The following ANKRD36 variants were observed in gnomAD, a reference collection of about 807,000 sequenced individuals.
ANKRD36 encodes ankyrin repeat domain 36, also known as ankyrin repeat domain-containing protein 36A.
A neutral mutation model predicts 278.1 loss-of-function variants in ANKRD36; 179 were observed. That is an observed-to-expected ratio of 0.64 (90% CI 0.57 to 0.73). ANKRD36 has a LOEUF of 0.73. ANKRD36 is among the 30% of genes least tolerant of loss of function. The pLI is 0.00. For synonymous variants in ANKRD36, 320 were observed against 641.1 expected (o/e 0.50, Z 7.57); for missense variants, 1,159 against 1,956.7 (o/e 0.59, Z 7.69).
chr2:97,140,290 T>C (rs940937906), intron 6 of ANKRD36, among the ~76,000 whole-genome samples: 3 of 151,754 alleles, frequency 2.0e-5, no homozygotes, highest in African/African-American at 7.3e-5. Context: ...GGCAGTGTCA[T>C]TGGAGTTAAA....
chr2:97,163,446 A>G (rs1288897508), intron 18 of ANKRD36: 1 of 360,096 alleles, frequency 2.8e-6, no homozygotes, highest in Non-Finnish European at 5.4e-6. Context: ...TTGAGAATCC[A>G]GAAGTTGAAA....
At chr2:97,203,408 T>C (rs1171403110) in intron 48 of ANKRD36, among the ~76,000 whole-genome samples, 1 of 151,788 alleles carries the variant, frequency 6.6e-6, no homozygotes, top group Non-Finnish European at 1.5e-5. Flanking sequence ...TATCCCTTCG[T>C]GCCACGACTG....
intron 40 of ANKRD36, among the ~76,000 whole-genome samples, chr2:97,195,478 G>T (rs376578396): frequency 3.1e-3 from 466 of 150,352 alleles, no homozygotes; most frequent in East Asian, 0.029. Context: ...TGGAACATTT[G>T]CATAAACAAT....
chr2:97,199,416 A>C (rs2060680532), intron 44 of ANKRD36, among the ~76,000 whole-genome samples: 1 of 151,880 alleles, frequency 6.6e-6, no homozygotes, highest in Admixed American at 6.6e-5. Context: ...TCAAGGAGCT[A>C]CCTGTTGGAT....
chr2:97,192,522 C>A (rs551984737), intron 36 of ANKRD36, among the ~76,000 whole-genome samples: 7 of 151,628 alleles, frequency 4.6e-5, no homozygotes, highest in South Asian at 2.1e-4. Context: ...CTTTGACATT[C>A]ATTCTCAGGT....
At chr2:97,132,506 G>A (rs1235778907) in intron 6 of ANKRD36, among the ~76,000 whole-genome samples, 2 of 149,300 alleles carry the variant, frequency 1.3e-5, no homozygotes, top group Non-Finnish European at 3.0e-5. Context: ...TTATTCATGC[G>A]GAAATACAGG....
At chr2:97,210,109 A>G (rs2064003433) in intron 56 of ANKRD36, among the ~76,000 whole-genome samples, 1 of 151,860 alleles carries the variant, frequency 6.6e-6, no homozygotes, top group African/African-American at 2.4e-5. Context: ...TACGGAGAGC[A>G]GCTCAAGACA....
chr2:97,170,174 G>T, intron 22 of ANKRD36, among the ~76,000 whole-genome samples: 1 of 151,796 alleles, frequency 6.6e-6, no homozygotes, highest in East Asian at 1.9e-4. Context: ...AATCAGTGGG[G>T]AAAAGATTAC....
chr2:97,148,994 T>C (rs1449859534), intron 11 of ANKRD36, among the ~76,000 whole-genome samples: 1 of 152,064 alleles, frequency 6.6e-6, no homozygotes, highest in Non-Finnish European at 1.5e-5. Context: ...GGACAAATTA[T>C]TGTCTGGCTG....
intron 67 of ANKRD36, among the ~76,000 whole-genome samples, chr2:97,229,568 T>G (rs1353119680): frequency 2.6e-5 from 4 of 152,100 alleles, no homozygotes; most frequent in Non-Finnish European, 5.9e-5. Context: ...TACAGCACAC[T>G]GATGGATCTT....
rs781234047 is a variant in ANKRD36 at position 97,191,093 on chromosome 2, T to A, written c.2275-16T>A. On this transcript the variant is annotated splice_polypyrimidine_tract_variant and intron_variant, in intron 35 of 75. Transcript: ENST00000420699. ...TTGATTTATTTATTTATTACTTTCT[T>A]TCAAATTCCATTCAGGCTACAACTG... The A allele has an allele frequency of 5.6e-6, 9 of 1,593,996 alleles. No homozygotes were observed. The highest frequency in any genetic ancestry group is 7.7e-6 in the Non-Finnish European group (9 of 1,170,648).
chr2:97,207,064 A>G (rs914980239), intron 52 of ANKRD36, among the ~76,000 whole-genome samples: 1 of 151,602 alleles, frequency 6.6e-6, no homozygotes, highest in African/African-American at 2.4e-5. Context: ...TCAATATCTA[A>G]TGCTTGTAGC....
At position 97,193,038 on chromosome 2, in the gene ANKRD36, G is replaced by C. The variant is rs1220716920; in HGVS notation, c.2434G>C (p.Glu812Gln). 31 of 1,559,542 alleles carry C rather than the reference G, an allele frequency of 2.0e-5. 1 individual carries two copies. Among genetic ancestry groups the C allele is most frequent in the Non-Finnish European group, 2.6e-5 (30 of 1,151,668 alleles). The change falls in exon 38 of 76, where the codon GAA (glutamate) becomes CAA (glutamine). Residue 812 changes from glutamate (E) to glutamine (Q), a missense_variant. Transcript: ENST00000420699. ...TATAGCCAGAGAAAACAAGGATGGA[G>C]AAAAATCTAGGACAGGTAATTTTGA... ...LSIARENKDG[E>Q]KSRTVSSRKK...
chr2:97,241,104 T>C (rs2074316544), intron 68 of ANKRD36, among the ~76,000 whole-genome samples, 162 bp from the exon 69 acceptor site: 1 of 137,232 alleles, frequency 7.3e-6, no homozygotes. Flanking sequence ...AGAGGTGTTG[T>C]CTTATCTGCA....
At chr2:97,169,920 A>G (rs897376213) in intron 22 of ANKRD36, among the ~76,000 whole-genome samples, 14 of 152,194 alleles carry the variant, frequency 9.2e-5, no homozygotes, top group Admixed American at 9.2e-4. Flanking sequence ...ATTAGAAAAA[A>G]CTACTGGAAA....
chr2:97,149,321 C>T lies in ANKRD36; in HGVS notation c.1061C>T (p.Ala354Val), dbSNP rs1373758827. 2 of 1,534,058 alleles carry T rather than the reference C, an allele frequency of 1.3e-6. No individual in the cohort carries two copies. The highest frequency in any genetic ancestry group is 1.4e-5 in the African/African-American group (1 of 72,900). Residue 354 changes from alanine to valine, a missense_variant, in exon 12 of 76, where the codon GCA becomes GTA. Coordinates refer to ENST00000420699, the MANE Select transcript of ANKRD36 (RefSeq NM_001354587.1). ...AGTCTCTACAGACCTGATGCTGTTGCACAGCCTGTGACAGAGAATGAGTTT... is the reference window on the plus strand; with the variant it reads ...AGTCTCTACAGACCTGATGCTGTTGTACAGCCTGTGACAGAGAATGAGTTT... ...NRSLYRPDAV[A>V]QPVTENEFSL...
At chr2:97,197,188 A>T (rs1183295522) in intron 42 of ANKRD36, among the ~76,000 whole-genome samples, 7 of 151,884 alleles carry the variant, frequency 4.6e-5, no homozygotes, top group African/African-American at 9.7e-5. Context: ...ACCCGTACAC[A>T]CTGTAGGAGA....
chr2:97,204,785 A>C (rs1410930317), intron 50 of ANKRD36, among the ~76,000 whole-genome samples: 1 of 151,530 alleles, frequency 6.6e-6, no homozygotes, highest in Non-Finnish European at 1.5e-5. Context: ...CTGCTGAGGA[A>C]ACCTGAGTGA....
intron 56 of ANKRD36, among the ~76,000 whole-genome samples, chr2:97,210,780 A>T (rs1263436137): frequency 6.6e-6 from 1 of 151,874 alleles, no homozygotes; most frequent in East Asian, 2.0e-4. Context: ...TTTCTGAATG[A>T]AAAACTGATT....
Sources: allele counts gnomAD v4.1 joint callset (sites outside exome capture counted in the v4.1 genomes callset), GRCh38; gene constraint gnomAD v4.1.1; transcripts MANE v1.5; gene names NCBI Gene and HGNC (gene_info 2026-07-23, HGNC 2026-07-21).